MANSC1: variants seen among roughly 807,000 people sequenced by gnomAD.
The protein encoded by MANSC1 is MANSC domain containing 1.
MANSC1 carries 13 observed loss-of-function variants against 14.1 expected under a neutral mutation model. That is an observed-to-expected ratio of 0.92 (90% CI 0.60 to 1.46). MANSC1 has a LOEUF of 1.46. Among genes scored for constraint, MANSC1 ranks in the 40% most tolerant of loss-of-function variants. The pLI is 0.00. For missense variants in MANSC1, 486 were observed against 511.4 expected, an observed-to-expected ratio of 0.95 and a Z score of 0.48; for synonymous variants, 227 against 200.7, an observed-to-expected ratio of 1.13 and a Z score of -1.11.
Position 12,338,516 on chromosome 12 carries a change from C to G in MANSC1, c.268G>C (p.Ala90Pro). 1 of 1,613,730 alleles carries G rather than the reference C, an allele frequency of 6.2e-7. No individual in the cohort carries two copies. The highest frequency in any genetic ancestry group is 1.3e-5 in the African/African-American group (1 of 75,022). Residue 90 changes from alanine (A) to proline (P), a missense_variant, in exon 3 of 4, where the codon GCT (alanine) becomes CCT (proline). Physicochemically the swap from Ala to Pro is conservative, Grantham distance 27. Coordinates refer to ENST00000535902, the MANE Select transcript of MANSC1 (RefSeq NM_018050.4). ...NLMIFDTRKT[A>P]RQPNCYLFFC... ...AATAGGTAGCAGTTGGGTTGTCTAGCTGTTTTTCGAGTGTCGAAGATCATC... is the reference window on the plus strand; with the variant it reads ...AATAGGTAGCAGTTGGGTTGTCTAGGTGTTTTTCGAGTGTCGAAGATCATC...
chr12:12,349,658 C>A (rs1022153776), intron 1 of MANSC1, among the ~76,000 whole-genome samples: 1 of 152,192 alleles, frequency 6.6e-6, no homozygotes, highest in African/African-American at 2.4e-5. Flanking sequence ...CGTCTTACAG[C>A]ACACTATAAT....
chr12:12,338,253 T>C (rs1248886902), intron 3 of MANSC1, among the ~76,000 whole-genome samples, 167 bp downstream of exon 3: 3 of 152,226 alleles, frequency 2.0e-5, no homozygotes, highest in African/African-American at 7.2e-5. Flanking sequence ...TGGCTTTCAT[T>C]GGAAATCAAA....
chr12:12,335,397 G>A (rs554399531), intron 3 of MANSC1, among the ~76,000 whole-genome samples: 169 of 151,572 alleles, frequency 1.1e-3, no homozygotes, highest in Non-Finnish European at 2.0e-3. Flanking sequence ...CTAGAGTGCA[G>A]TGGCGCAATC....
Position 12,335,339 on chromosome 12 carries a change from C to CTT in MANSC1, c.364+3079_364+3080dup, listed in dbSNP as rs60014261. ...GCTACGGTGAGCTTTGAGAAATCAC[C>CTT]TTTTTTTTTTCTTCTCCCCGAGACA... On this transcript the variant is annotated intron_variant, in intron 3 of 3. Transcript: ENST00000535902. Among the ~76,000 whole-genome samples the CTT allele has an allele frequency of 3.5e-3, 519 of 147,832 alleles. 4 individuals are homozygous for CTT. Among genetic ancestry groups the CTT allele is most frequent in the East Asian group, 0.011 (54 of 4,946 alleles).
rs572002822 is a variant in MANSC1 at position 12,331,043 on chromosome 12, C to A, written c.365-85G>T. 4.5e-6 allele frequency: 4 copies of A among 891,558 alleles called. No homozygotes were observed. In the East Asian group the frequency reaches 9.8e-5, roughly 22 times the overall value. 55.2% of individuals were successfully genotyped at this position (891,558 alleles called of 1,614,324 possible). A position where few individuals can be genotyped will look rare whatever the true frequency, so the allele number is the denominator to read the frequency against. On this transcript the variant is annotated intron_variant, in intron 3 of 3. Coordinates refer to ENST00000535902, the MANE Select transcript of MANSC1 (RefSeq NM_018050.4). ...AAAAATACAAACATATCAGCTTGTT[C>A]AAAAGATCCCTAAACTGGTTGGCCA...
intron 3 of MANSC1, among the ~76,000 whole-genome samples, chr12:12,337,476 G>A (rs1201927925): frequency 2.0e-5 from 3 of 151,786 alleles, no homozygotes; most frequent in Non-Finnish European, 4.4e-5. Flanking sequence ...CGGGAGAATG[G>A]CCTGAACCCG....
rs1862765991 is a variant in MANSC1, at chr12:12,330,306, A to G, written c.1017T>C (p.Thr339=). ...ACTCCACATTTGACATAGAAAGTGC[A>G]GTAGGGTTATACACATTCCCTGTGT... ...TLNTGNVYNP[T]ALSMSNVESS... is the part of the protein sequence containing the mutation. The change falls in exon 4 of 4, where the codon ACT becomes ACC. Residue 339 remains threonine (T), a synonymous_variant. Coordinates refer to ENST00000535902, the MANE Select transcript of MANSC1 (RefSeq NM_018050.4). 6.2e-7 allele frequency: 1 copy of G among 1,614,126 alleles called. No individual in the cohort carries two copies. The highest frequency in any genetic ancestry group is 8.5e-7 in the Non-Finnish European group (1 of 1,180,056).
At chr12:12,331,104 G>A (rs1320910781) in intron 3 of MANSC1, 146 bp from the exon 4 acceptor site, 2 of 591,286 alleles carry the variant, frequency 3.4e-6, no homozygotes, top group Non-Finnish European at 5.9e-6. Flanking sequence ...CACTTTGGGA[G>A]GCTAAGGCAG....
At chr12:12,333,373 A>G (rs1438257216) in intron 3 of MANSC1, among the ~76,000 whole-genome samples, 1 of 152,188 alleles carries the variant, frequency 6.6e-6, no homozygotes, top group Non-Finnish European at 1.5e-5. Flanking sequence ...GTTAAAAAAG[A>G]AAAAGACTGT....
intron 2 of MANSC1, chr12:12,338,918 C>CACACACACACACACACACA (rs1565800326): frequency 2.1e-4 from 52 of 249,770 alleles, no homozygotes; most frequent in Non-Finnish European, 2.5e-4. Flanking sequence ...CACACACACA[C>CACACACACACACACACACA]CCCTAAGACC....
intron 3 of MANSC1, among the ~76,000 whole-genome samples, chr12:12,332,830 A>G (rs1381574271): frequency 1.3e-5 from 2 of 151,980 alleles, no homozygotes; most frequent in East Asian, 3.9e-4. Flanking sequence ...CAGTTTTTAT[A>G]TTTCTTTTAA....
chr12:12,343,464 A>G, intron 1 of MANSC1, 50 bp from the exon 2 acceptor site: 1 of 588,460 alleles, frequency 1.7e-6, no homozygotes, highest in Non-Finnish European at 3.0e-6. Context: ...TTTAACAAAC[A>G]AGGGAAGAAA....
At position 12,330,119 on chromosome 12, in the gene MANSC1, C is replaced by T. The variant is rs138511907; in HGVS notation, c.1204G>A (p.Val402Ile). ...TCCGAGAGGATTCTACCCAGGAGGA[C>T]GAGGCCTATCACCAGGAACAGGACA... The part of the protein sequence containing the change: ...FGVLFLVIGL[V>I]LLGRILSESL... The change falls in exon 4 of 4, where the codon GTC becomes ATC. Residue 402 changes from valine to isoleucine, a missense_variant. Transcript: ENST00000535902. 30 of 1,613,868 alleles carry T rather than the reference C, an allele frequency of 1.9e-5. No homozygotes were observed. Among genetic ancestry groups the T allele is most frequent in the African/African-American group, 8.0e-5 (6 of 74,980 alleles).
intron 3 of MANSC1, 44 bp downstream of exon 3, chr12:12,338,376 A>G: frequency 6.6e-7 from 1 of 1,508,116 alleles, no homozygotes; most frequent in Non-Finnish European, 8.9e-7. Context: ...AACCAGTCTT[A>G]AATTATTCCA....
chr12:12,348,914 T>C (rs1338626129), intron 1 of MANSC1, among the ~76,000 whole-genome samples: 2 of 152,244 alleles, frequency 1.3e-5, no homozygotes, highest in Non-Finnish European at 2.9e-5. Context: ...TATCCTCATT[T>C]TAGTTAAAAC....
chr12:12,339,810 G>A (rs1487613877), intron 2 of MANSC1, among the ~76,000 whole-genome samples: 1 of 150,596 alleles, frequency 6.6e-6, no homozygotes, highest in Non-Finnish European at 1.5e-5. Context: ...ATAATTTCTG[G>A]TCTCTTTTCT....
chr12:12,333,061 T>A (rs928873226), intron 3 of MANSC1, among the ~76,000 whole-genome samples: 1 of 132,416 alleles, frequency 7.6e-6, no homozygotes, highest in Non-Finnish European at 1.7e-5. Flanking sequence ...ATATATATAT[T>A]TTTGAGACAG....
intron 3 of MANSC1, among the ~76,000 whole-genome samples, 174 bp downstream of exon 3, chr12:12,338,246 C>T (rs904041077): frequency 2.6e-5 from 4 of 152,150 alleles, no homozygotes; most frequent in Non-Finnish European, 5.9e-5. Context: ...ACTACCATGG[C>T]TTTCATTGGA....
At chr12:12,338,203 T>C (rs1161650453) in intron 3 of MANSC1, among the ~76,000 whole-genome samples, 1 of 152,212 alleles carries the variant, frequency 6.6e-6, no homozygotes, top group Non-Finnish European at 1.5e-5. Flanking sequence ...TTTTATCTCA[T>C]GAAGGTAAAA....
Sources: allele counts gnomAD v4.1 joint callset (sites outside exome capture counted in the v4.1 genomes callset), GRCh38; gene constraint gnomAD v4.1.1; transcripts MANE v1.5; gene names NCBI Gene and HGNC (gene_info 2026-07-23, HGNC 2026-07-21).